Variants in NTM observed in about 807,000 individuals in gnomAD.
The protein encoded by NTM is IgLON family member 2.
In NTM, 13 loss-of-function variants were observed where a neutral mutation model predicts 42.1. The observed-to-expected ratio is 0.31, with a 90% CI of 0.20 to 0.49. NTM has a LOEUF of 0.49. Among genes scored for constraint, NTM ranks in the 20% least tolerant of loss-of-function variants. The pLI, the probability that NTM is intolerant of heterozygous loss-of-function variation, is 0.99. For missense variants in NTM, 373 were observed against 452.8 expected (o/e 0.82, Z 1.60); for synonymous variants, 187 against 179.2 (o/e 1.04, Z -0.35).
At chr11:132,269,372 A>G (rs2093370574) in intron 4 of NTM, among the ~76,000 whole-genome samples, 1 of 152,176 alleles carries the variant, frequency 6.6e-6, no homozygotes, top group South Asian at 2.1e-4. Flanking sequence ...TCCAACCAGC[A>G]GGATGTCATG....
intron 1 of NTM, among the ~76,000 whole-genome samples, chr11:131,840,909 G>A (rs1289582743): frequency 6.6e-6 from 1 of 152,184 alleles, no homozygotes; most frequent in Non-Finnish European, 1.5e-5. Flanking sequence ...CAGAGGTGGA[G>A]GATGACAGAA....
At chr11:131,664,823 C>G (rs1452149185) in intron 1 of NTM, among the ~76,000 whole-genome samples, 1 of 143,110 alleles carries the variant, frequency 7.0e-6, no homozygotes, top group Non-Finnish European at 1.5e-5. Flanking sequence ...AAAAGCCACT[C>G]TTTTACATCT....
chr11:132,296,924 G>T (rs2140072358), intron 4 of NTM, among the ~76,000 whole-genome samples: 1 of 152,324 alleles, frequency 6.6e-6, no homozygotes, highest in African/African-American at 2.4e-5. Flanking sequence ...CTATGGTGCA[G>T]AATAGATTTT....
chr11:132,162,930 A>G (rs2074634804), intron 3 of NTM, among the ~76,000 whole-genome samples: 1 of 152,082 alleles, frequency 6.6e-6, no homozygotes, highest in African/African-American at 2.4e-5. Flanking sequence ...GCCCAAGTGA[A>G]TGTGAAGACC....
chr11:131,758,267 C>A lies in NTM; in HGVS notation c.83-153297C>A, dbSNP rs147491589. ...TACAACTTCTGTCTTCCCCCTCCCCCCCGCCAACCCCGCTAGCTAATTGTA... is the reference window on the plus strand; with the variant it reads ...TACAACTTCTGTCTTCCCCCTCCCCACCGCCAACCCCGCTAGCTAATTGTA... On this transcript the variant is annotated intron_variant, in intron 1 of 8. Coordinates refer to ENST00000683400, the MANE Select transcript of NTM (RefSeq NM_001352005.2). Among the ~76,000 whole-genome samples, 47 of 152,106 alleles carry A rather than the reference C, an allele frequency of 3.1e-4. No homozygotes were observed. The East Asian group carries it at 8.5e-3, about 28-fold the overall frequency.
intron 1 of NTM, among the ~76,000 whole-genome samples, chr11:131,396,554 C>T (rs117997117): frequency 3.3e-5 from 5 of 152,126 alleles, no homozygotes; most frequent in African/African-American, 9.7e-5. Flanking sequence ...CATGGCTGGG[C>T]GCGGTGGCTC....
chr11:131,485,729 G>T (rs569046564), intron 1 of NTM, among the ~76,000 whole-genome samples: 6 of 152,174 alleles, frequency 3.9e-5, no homozygotes, highest in Admixed American at 6.5e-5. Context: ...CAACCATCCC[G>T]AATGGGAAAC....
At chr11:132,314,751 A>G (rs1319331388) in intron 7 of NTM, 48 bp downstream of exon 7, 4 of 1,560,008 alleles carry the variant, frequency 2.6e-6, no homozygotes, top group Non-Finnish European at 3.5e-6. Flanking sequence ...AGGGTGCAGA[A>G]CGGGAGAGCT....
intron 2 of NTM, among the ~76,000 whole-genome samples, chr11:132,141,470 A>T (rs1340605758): frequency 1.3e-5 from 2 of 152,190 alleles, no homozygotes; most frequent in Non-Finnish European, 2.9e-5. Context: ...CAGGACACAG[A>T]GGGTTGCATT....
At chr11:132,115,618 G>A (rs10894504) in intron 2 of NTM, among the ~76,000 whole-genome samples, 108,023 of 152,088 alleles carry the variant, frequency 0.71, 39,295 homozygotes, top group African/African-American at 0.82. Flanking sequence ...AGTCTGGATG[G>A]TGATGCTCTG....
chr11:131,947,601 A>G (rs1041286717), intron 2 of NTM, among the ~76,000 whole-genome samples: 40 of 152,284 alleles, frequency 2.6e-4, no homozygotes, highest in African/African-American at 9.1e-4. Context: ...TGAATAGAAC[A>G]TCTGTAAGAC....
At chr11:131,914,039 C>T (rs1592808071) in intron 2 of NTM, among the ~76,000 whole-genome samples, 1 of 152,312 alleles carries the variant, frequency 6.6e-6, no homozygotes, top group East Asian at 1.9e-4. Context: ...GGAAGGGCTG[C>T]CCTGCTGGGA....
chr11:131,754,454 G>A (rs528634803), intron 1 of NTM, among the ~76,000 whole-genome samples: 10 of 152,010 alleles, frequency 6.6e-5, no homozygotes, highest in East Asian at 1.9e-4. Flanking sequence ...GCGAAACCCC[G>A]TCTCCACTAA....
chr11:131,984,387 C>T (rs879801100), intron 2 of NTM: 1 of 152,226 alleles, frequency 6.6e-6, no homozygotes, highest in Admixed American at 6.5e-5. Flanking sequence ...TGAAGATACA[C>T]AGCAGTTACT....
intron 1 of NTM, among the ~76,000 whole-genome samples, chr11:131,381,270 T>C (rs1209639733): frequency 6.6e-6 from 1 of 152,202 alleles, no homozygotes; most frequent in East Asian, 1.9e-4. Flanking sequence ...GTTTTTTAGC[T>C]GTTTCTCCAA....
At chr11:132,047,751 AC>A (rs927305461) in intron 2 of NTM, among the ~76,000 whole-genome samples, 2 of 152,088 alleles carry the variant, frequency 1.3e-5, no homozygotes, top group Non-Finnish European at 2.9e-5. Context: ...TTTCCACATA[AC>A]TTTTCTGAGT....
intron 1 of NTM, among the ~76,000 whole-genome samples, chr11:131,756,457 G>A (rs1447060140): frequency 1.3e-5 from 2 of 151,812 alleles, no homozygotes; most frequent in Non-Finnish European, 2.9e-5. Context: ...TCTGGAGACG[G>A]AGGTTGCAGT....
intron 1 of NTM, among the ~76,000 whole-genome samples, chr11:131,404,760 G>A (rs767637237): frequency 9.9e-5 from 15 of 152,132 alleles, no homozygotes; most frequent in South Asian, 2.1e-4. Flanking sequence ...AACAAGCACC[G>A]ACTTAGTCAC....
At chr11:131,943,388 T>G (rs559206071) in intron 2 of NTM, among the ~76,000 whole-genome samples, 27 of 152,352 alleles carry the variant, frequency 1.8e-4, no homozygotes, top group African/African-American at 6.5e-4. Context: ...TCTGCTGCCC[T>G]GCAGCACCCA....
Sources: gnomAD v4.1 joint callset for allele counts (sites outside exome capture counted in the v4.1 genomes callset) on GRCh38, gnomAD v4.1.1 for gene constraint, MANE v1.5 for transcripts, NCBI Gene and HGNC (gene_info 2026-07-23, HGNC 2026-07-21) for gene names.